Variants in EPS8 observed in about 807,000 individuals in gnomAD.
EPS8 encodes the protein epidermal growth factor receptor kinase substrate 8.
A neutral mutation model predicts 103.8 loss-of-function variants in EPS8; 42 were observed. That is an observed-to-expected ratio of 0.40 (90% confidence interval 0.32 to 0.52). The LOEUF (loss-of-function observed/expected upper bound fraction) is 0.52, where lower values mean the gene tolerates loss of function less well. Among genes scored for constraint, EPS8 ranks in the 20% least tolerant of loss-of-function variants. The pLI is 0.40. For synonymous variants in EPS8, 344 were observed against 344.6 expected, an observed-to-expected ratio of 1.00 and a Z score of 0.02; for missense variants, 969 against 1,005.1, an observed-to-expected ratio of 0.96 and a Z score of 0.49.
At chr12:15,628,115 G>A (rs1414814531) in intron 18 of EPS8, among the ~76,000 whole-genome samples, 6 of 151,796 alleles carry the variant, frequency 4.0e-5, no homozygotes. Context: ...GAGGAGTAGG[G>A]GGTGCTAGAG....
chr12:15,701,137 C>A lies in EPS8; in HGVS notation c.-21-18165G>T, dbSNP rs573093231. 1.3e-5 allele frequency among the ~76,000 whole-genome samples: 2 copies of A among 152,292 alleles called. No homozygotes were observed. Among genetic ancestry groups the A allele is most frequent in the African/African-American group, 2.4e-5 (1 of 41,560 alleles). On this transcript the variant is annotated intron_variant, in intron 1 of 20. Transcript: ENST00000281172. The surrounding 1 kb of genome is among the most constrained non-coding windows in gnomAD (Gnocchi z 5.1). ...ATAGTCACTTTTTTAAAAGGTAATT[C>A]TTTTCTCTCTCTGAATCAACTGTGT... is the stretch of plus-strand genomic sequence containing the variant.
At position 15,681,300 on chromosome 12, in the gene EPS8, C is replaced by T; in HGVS notation, c.62G>A (p.Gly21Asp). Residue 21 changes from glycine (G) to aspartate (D), a missense_variant and splice_region_variant, in exon 3 of 21, where the codon GGC becomes GAC. Physicochemically the swap from Gly to Asp is moderately conservative, Grantham distance 94. Coordinates refer to ENST00000281172, the MANE Select transcript of EPS8 (RefSeq NM_004447.6). ...SFGMYPSQMN[G>D]YGSSPTFSQT... ...GGAAAAGGTAGGTGATGATCCGTAGCCACTGTAATAATAATAATAATAATA... is the reference window on the plus strand; with the variant it reads ...GGAAAAGGTAGGTGATGATCCGTAGTCACTGTAATAATAATAATAATAATA... 7.6e-7 allele frequency: 1 copy of T among 1,318,006 alleles called. No individual in the cohort carries two copies. The highest frequency in any genetic ancestry group is 1.0e-6 in the Non-Finnish European group (1 of 982,804). The allele number at this position is 1,318,006 out of a possible 1,614,324, so 81.6% of individuals were successfully genotyped here.
chr12:15,643,284 T>G (rs4480593), intron 15 of EPS8, among the ~76,000 whole-genome samples: 147,893 of 152,226 alleles, frequency 0.97, 71,990 homozygotes, highest in East Asian at 1. Flanking sequence ...CTATAACAAA[T>G]TTTTTGTTAT....
chr12:15,670,892 G>A lies in EPS8; in HGVS notation c.168C>T (p.Val56=), dbSNP rs1417433826. Residue 56 remains valine, a synonymous_variant, in exon 4 of 21, where the codon GTC becomes GTT. Transcript: ENST00000281172. ...ATTGAGATATATCTGACACACTGCTGACACTGTCCCGTGCATAATTCTTCC... is the reference window on the plus strand; with the variant it reads ...ATTGAGATATATCTGACACACTGCTAACACTGTCCCGTGCATAATTCTTCC... The part of the protein sequence containing the change: ...EQRKNYARDS[V]SSVSDISQYR... The A allele has an allele frequency of 6.2e-6, 10 of 1,612,432 alleles. No individual in the cohort carries two copies. The highest frequency in any genetic ancestry group is 7.6e-6 in the Non-Finnish European group (9 of 1,178,844).
At chr12:15,677,815 T>C (rs1945935629) in intron 3 of EPS8, among the ~76,000 whole-genome samples, 1 of 152,146 alleles carries the variant, frequency 6.6e-6, no homozygotes, top group South Asian at 2.1e-4. Context: ...GCCCTCCCTC[T>C]GAGAGTTCTC....
At chr12:15,783,584 G>A (rs1947281297) in intron 1 of EPS8, among the ~76,000 whole-genome samples, 1 of 152,038 alleles carries the variant, frequency 6.6e-6, no homozygotes, top group Non-Finnish European at 1.5e-5. Context: ...CATACACCCT[G>A]CAAATCCTTT....
chr12:15,777,638 C>A lies in EPS8; in HGVS notation c.-22+11523G>T, dbSNP rs1045832354. On this transcript the variant is annotated intron_variant, in intron 1 of 20. Transcript: ENST00000281172. This position sits in a 1 kb window ranked among gnomAD's most constrained non-coding sequence, Gnocchi z 4.7. ...TCTCCATGACTGAGATCTCACCAGG[C>A]AGTGAGAAAGAGTTAGAATAGTAAT... 2.0e-5 allele frequency among the ~76,000 whole-genome samples: 3 copies of A among 152,038 alleles called. No individual in the cohort carries two copies. Among genetic ancestry groups the A allele is most frequent in the African/African-American group, 7.2e-5 (3 of 41,390 alleles).
chr12:15,770,093 C>T (rs1273009246), intron 1 of EPS8, among the ~76,000 whole-genome samples: 1 of 151,572 alleles, frequency 6.6e-6, no homozygotes. Context: ...CAGGCACATG[C>T]CACCATGGCT....
intron 17 of EPS8, among the ~76,000 whole-genome samples, chr12:15,637,773 C>T (rs897552127): frequency 2.6e-5 from 4 of 152,094 alleles, no homozygotes; most frequent in Non-Finnish European, 5.9e-5. Flanking sequence ...AATGTGTGGG[C>T]CATATCTGAG....
At position 15,696,296 on chromosome 12, in the gene EPS8, A is replaced by G. The variant is rs1391038326; in HGVS notation, c.-21-13324T>C. 6.6e-6 allele frequency among the ~76,000 whole-genome samples: 1 copy of G among 152,184 alleles called. No homozygotes were observed. Among genetic ancestry groups the G allele is most frequent in the Non-Finnish European group, 1.5e-5 (1 of 68,026 alleles). ...ACAGTAGGGATGAAGAAACACAAAAATAAAACAGTAAAATCTATAAAACAC... is the reference window on the plus strand; with the variant it reads ...ACAGTAGGGATGAAGAAACACAAAAGTAAAACAGTAAAATCTATAAAACAC... On this transcript the variant is annotated intron_variant, in intron 1 of 20. Coordinates refer to ENST00000281172, the MANE Select transcript of EPS8 (RefSeq NM_004447.6). This position sits in a 1 kb window ranked among gnomAD's most constrained non-coding sequence, Gnocchi z 4.8.
At position 15,641,779 on chromosome 12, in the gene EPS8, A is replaced by G; in HGVS notation, c.1620T>C (p.Tyr540=). ...TQPKKYAKSK[Y]DFVARNNSEL... ...CACTGTTGTTCCTTGCTACAAAGTC[A>G]TACTTGGATTTGGCATATTTCTTGG... is the stretch of plus-strand genomic sequence containing the variant. Residue 540 remains tyrosine (Y), a synonymous_variant, in exon 16 of 21, where the codon TAT becomes TAC. Coordinates refer to ENST00000281172, the MANE Select transcript of EPS8 (RefSeq NM_004447.6). 6.2e-7 allele frequency: 1 copy of G among 1,602,664 alleles called. No individual in the cohort carries two copies. The highest frequency in any genetic ancestry group is 8.5e-7 in the Non-Finnish European group (1 of 1,173,326).
intron 1 of EPS8, chr12:15,782,125 T>C (rs1947266237): frequency 6.6e-6 from 1 of 152,180 alleles, no homozygotes; most frequent in African/African-American, 2.4e-5. Flanking sequence ...AGGTTTGAAC[T>C]ACATGGGTCC....
Position 15,772,066 on chromosome 12 carries a change from G to A in EPS8, c.-22+17095C>T, listed in dbSNP as rs1284730289. Among the ~76,000 whole-genome samples the A allele has an allele frequency of 1.3e-5, 2 of 152,128 alleles. No individual in the cohort carries two copies. Among genetic ancestry groups the A allele is most frequent in the Non-Finnish European group, 2.9e-5 (2 of 68,018 alleles). The stretch of plus-strand genomic sequence containing the variant: ...CCACTGAAGAGTTTTAAGCAAGGTA[G>A]TTAACATGATTAGCAGTGAGAGACG... On this transcript the variant is annotated intron_variant, in intron 1 of 20. Transcript: ENST00000281172. The surrounding 1 kb of genome is among the most constrained non-coding windows in gnomAD (Gnocchi z 5.0).
chr12:15,677,029 G>A (rs1945920831), intron 3 of EPS8, among the ~76,000 whole-genome samples: 1 of 152,100 alleles, frequency 6.6e-6, no homozygotes, highest in Non-Finnish European at 1.5e-5. Flanking sequence ...TGGAATATAA[G>A]TTTTAAAATA....
At position 15,702,695 on chromosome 12, in the gene EPS8, T is replaced by G. The variant is rs534454495; in HGVS notation, c.-21-19723A>C. ...TCCAAAACACATATCCAATACAATATATAAATATGAAGAAAAAAATTGCAT... is the reference window on the plus strand; with the variant it reads ...TCCAAAACACATATCCAATACAATAGATAAATATGAAGAAAAAAATTGCAT... On this transcript the variant is annotated intron_variant, in intron 1 of 20. Transcript: ENST00000281172. The surrounding 1 kb of genome is among the most constrained non-coding windows in gnomAD (Gnocchi z 5.1). Among the ~76,000 whole-genome samples the G allele has an allele frequency of 6.8e-6, 1 of 147,040 alleles. No homozygotes were observed. Among genetic ancestry groups the G allele is most frequent in the South Asian group, 2.1e-4 (1 of 4,754 alleles).
rs549823704 is a variant in EPS8 at position 15,695,339 on chromosome 12, C to T, written c.-21-12367G>A. ...CTGAGTACTACTTCATTCATTCGCT[C>T]ATTTAACAAATAATTACTACGTAAC... On this transcript the variant is annotated intron_variant, in intron 1 of 20. Transcript: ENST00000281172. The surrounding 1 kb of genome is among the most constrained non-coding windows in gnomAD (Gnocchi z 5.0). 6.6e-6 allele frequency among the ~76,000 whole-genome samples: 1 copy of T among 152,328 alleles called. No homozygotes were observed. The highest frequency in any genetic ancestry group is 6.5e-5 in the Admixed American group (1 of 15,308).
At chr12:15,644,631 G>A (rs930585595) in intron 15 of EPS8, among the ~76,000 whole-genome samples, 12 of 151,264 alleles carry the variant, frequency 7.9e-5, no homozygotes, top group Non-Finnish European at 1.0e-4. Context: ...CCGGGAGGCC[G>A]AGCTTGCAGT....
rs1324840605 is a variant in EPS8 at position 15,684,586 on chromosome 12, AAAGTT to A, written c.-21-1619_-21-1615del. Among the ~76,000 whole-genome samples, 1 of 152,180 alleles carries A rather than the reference AAAGTT, an allele frequency of 6.6e-6. No individual in the cohort carries two copies. The highest frequency in any genetic ancestry group is 2.4e-5 in the African/African-American group (1 of 41,424). On this transcript the variant is annotated intron_variant, in intron 1 of 20. Transcript: ENST00000281172. The surrounding 1 kb of genome is among the most constrained non-coding windows in gnomAD (Gnocchi z 4.9). ...GAGTTTATTGTATTCTTAGGGAAAC[AAAGTT>A]AATTCATGTAAAACAAATAGTAAGG...
rs986354370 is a variant in EPS8, at chr12:15,727,726, C to T, written c.-21-44754G>A. Among the ~76,000 whole-genome samples, 4 of 152,120 alleles carry T rather than the reference C, an allele frequency of 2.6e-5. No homozygotes were observed. The highest frequency in any genetic ancestry group is 2.1e-4 in the South Asian group (1 of 4,816). Reference sequence around the variant, plus strand: ...TACAAAAATTAGCCGGGCGTGGTGGCGCGTGCCTGTAATCCCAGCTACTCA... The same window carrying T: ...TACAAAAATTAGCCGGGCGTGGTGGTGCGTGCCTGTAATCCCAGCTACTCA... On this transcript the variant is annotated intron_variant, in intron 1 of 20. Transcript: ENST00000281172. This position sits in a 1 kb window ranked among gnomAD's most constrained non-coding sequence, Gnocchi z 4.3.
Sources: allele counts gnomAD v4.1 joint callset (sites outside exome capture counted in the v4.1 genomes callset), GRCh38; gene constraint gnomAD v4.1.1; non-coding constraint Gnocchi (gnomAD v3.1); transcripts MANE v1.5; gene names NCBI Gene and HGNC (gene_info 2026-07-23, HGNC 2026-07-21).